The following FAM20C variants were observed in gnomAD, a reference collection of about 807,000 sequenced individuals.
The protein encoded by FAM20C is extracellular serine/threonine protein kinase FAM20C.
In FAM20C, 40 loss-of-function variants were observed where a neutral mutation model predicts 51.5. That is an observed-to-expected ratio of 0.78 (90% CI 0.60 to 1.01). The LOEUF (loss-of-function observed/expected upper bound fraction) is 1.01, where lower values mean the gene tolerates loss of function less well. Among genes scored for constraint, FAM20C ranks in the 50% least tolerant of loss-of-function variants. FAM20C has a pLI of 0.00. For missense variants in FAM20C, 861 were observed against 844.7 expected, an observed-to-expected ratio of 1.02 and a Z score of -0.24; for synonymous variants, 406 against 380.6, an observed-to-expected ratio of 1.07 and a Z score of -0.78.
intron 2 of FAM20C, among the ~76,000 whole-genome samples, chr7:206,562 G>T (rs772393465): frequency 0.092 from 3,149 of 34,050 alleles, 243 homozygotes; most frequent in African/African-American, 0.22. Context: ...GTGACGCGTC[G>T]GTCACTGTCC....
chr7:211,969 G>T (rs1160632594), intron 3 of FAM20C, among the ~76,000 whole-genome samples: 1 of 152,168 alleles, frequency 6.6e-6, no homozygotes, highest in South Asian at 2.1e-4. Flanking sequence ...GCTGGTGCCC[G>T]ACCCTCCTTT....
chr7:244,997 G>A (rs2115141732), intron 3 of FAM20C, among the ~76,000 whole-genome samples: 1 of 152,370 alleles, frequency 6.6e-6, no homozygotes, highest in Non-Finnish European at 1.5e-5. Flanking sequence ...TTGACGGCCT[G>A]TGACCCAGAC....
chr7:203,015 G>C (rs1786203712), intron 2 of FAM20C, among the ~76,000 whole-genome samples: 1 of 152,214 alleles, frequency 6.6e-6, no homozygotes, highest in South Asian at 2.1e-4. Context: ...TCAGGGGAGG[G>C]GCAGGTGTAG....
chr7:210,496 C>A (rs1786659881), intron 3 of FAM20C, among the ~76,000 whole-genome samples: 1 of 152,136 alleles, frequency 6.6e-6, no homozygotes, highest in Non-Finnish European at 1.5e-5. Flanking sequence ...CTTCCGCTGG[C>A]AGTAATGGGA....
At chr7:254,339 G>C (rs1411379006) in intron 5 of FAM20C, among the ~76,000 whole-genome samples, 19 of 152,254 alleles carry the variant, frequency 1.2e-4, no homozygotes, top group Admixed American at 1.2e-3. Context: ...CAGCCTGGCT[G>C]CATAGGAATG....
chr7:201,504 C>T (rs972176676), intron 2 of FAM20C, among the ~76,000 whole-genome samples: 1 of 152,200 alleles, frequency 6.6e-6, no homozygotes, highest in Non-Finnish European at 1.5e-5. Context: ...GACCCCCAGG[C>T]CCGGGCCACA....
chr7:214,281 C>T (rs951388925), intron 3 of FAM20C, among the ~76,000 whole-genome samples: 52 of 152,044 alleles, frequency 3.4e-4, no homozygotes, highest in Admixed American at 7.2e-4. Flanking sequence ...GCCGAGATCA[C>T]GCCACCGCAC....
rs894453951 is a variant in FAM20C, at chr7:207,386, G to A, written c.785-1512G>A. 2.6e-5 allele frequency among the ~76,000 whole-genome samples: 4 copies of A among 151,982 alleles called. 1 individual carries two copies. Among genetic ancestry groups the A allele is most frequent in the Admixed American group, 1.3e-4 (2 of 15,258 alleles). ...CGTCGGTCACTGTCCCCTTGGCCCC[G>A]CACACGTGCTCACTGTCTCCTTCAG... On this transcript the variant is annotated intron_variant, in intron 2 of 9. Transcript: ENST00000313766.
At chr7:247,195 C>T (rs886393401) in intron 4 of FAM20C, among the ~76,000 whole-genome samples, 2 of 152,234 alleles carry the variant, frequency 1.3e-5, no homozygotes, top group South Asian at 4.1e-4. Context: ...GGGGCCGCCC[C>T]AGCCCAGCAG....
intron 3 of FAM20C, among the ~76,000 whole-genome samples, chr7:244,949 A>G (rs1218399749): frequency 6.6e-6 from 1 of 152,222 alleles, no homozygotes; most frequent in Non-Finnish European, 1.5e-5. Context: ...CTTTCTGAGA[A>G]CAGCGTGGGA....
chr7:255,332 A>T (rs983996672), intron 5 of FAM20C, among the ~76,000 whole-genome samples: 1 of 152,120 alleles, frequency 6.6e-6, no homozygotes, highest in African/African-American at 2.4e-5. Context: ...GTGACTCACG[A>T]TGGCGCCCGT....
rs529836614 is a variant in FAM20C, at chr7:212,908, C to T, written c.863+3932C>T. On this transcript the variant is annotated intron_variant, in intron 3 of 9. Coordinates refer to ENST00000313766, the MANE Select transcript of FAM20C (RefSeq NM_020223.4). ...TTCATCACCGCAGTTGATTTTAGCCCGTTTTCCGTGACTCCACAGAGAAAT... is the reference window on the plus strand; with the variant it reads ...TTCATCACCGCAGTTGATTTTAGCCTGTTTTCCGTGACTCCACAGAGAAAT... Among the ~76,000 whole-genome samples the T allele has an allele frequency of 2.0e-5, 3 of 152,294 alleles. No homozygotes were observed. In the East Asian group the frequency reaches 5.8e-4, roughly 29 times the overall value.
At chr7:228,795 C>A (rs1017926023) in intron 3 of FAM20C, 51 of 456,084 alleles carry the variant, frequency 1.1e-4, no homozygotes, top group African/African-American at 7.6e-4. Context: ...CTCCTGCTGA[C>A]GGCATGAGTG....
chr7:236,049 G>A (rs1787838072), intron 3 of FAM20C, among the ~76,000 whole-genome samples: 1 of 152,168 alleles, frequency 6.6e-6, no homozygotes, highest in East Asian at 1.9e-4. Context: ...TTCTGTCAGG[G>A]CGCCCAGGAA....
At position 260,750 on chromosome 7, in the gene FAM20C, G is replaced by A. The variant is rs566672039; in HGVS notation, c.*770G>A. The A allele has an allele frequency of 7.9e-5, 12 of 152,368 alleles. No individual in the cohort carries two copies. The highest frequency in any genetic ancestry group is 3.4e-3 in the Middle Eastern group (1 of 294). The allele number at this position is 152,368 out of a possible 1,614,324, so 9.4% of individuals were successfully genotyped here. On this transcript the variant is annotated 3_prime_UTR_variant, in exon 10 of 10. Transcript: ENST00000313766. ...AATAAAGGTACAGCAGATGTGTGTC[G>A]GCCTCACGGGGCGGGTCCCTCACAC...
At chr7:204,410 C>G (rs1318878544) in intron 2 of FAM20C, among the ~76,000 whole-genome samples, 1 of 152,246 alleles carries the variant, frequency 6.6e-6, no homozygotes, top group Non-Finnish European at 1.5e-5. Context: ...GCGCAGTGGT[C>G]CAGGGCACTG....
chr7:211,012 C>T (rs369777155), intron 3 of FAM20C, among the ~76,000 whole-genome samples: 4 of 152,020 alleles, frequency 2.6e-5, no homozygotes, highest in South Asian at 2.1e-4. Context: ...TGCGTAAAGA[C>T]GAGAGAACTG....
Position 258,432 on chromosome 7 carries a change from G to C in FAM20C, c.1446-214G>C, listed in dbSNP as rs796828775. On this transcript the variant is annotated intron_variant, in intron 8 of 9. Transcript: ENST00000313766. ...GATGGGTGGGGTGGACCCACTGCCT[G>C]GGGTGCTGGAGATGGGTGGGATGGA... is the stretch of plus-strand genomic sequence containing the variant. 0.013 allele frequency among the ~76,000 whole-genome samples: 808 copies of C among 62,702 alleles called. 146 individuals are homozygous for C. Among genetic ancestry groups the C allele is most frequent in the Middle Eastern group, 0.018 (2 of 110 alleles). The allele number at this position is 62,702 out of a possible 152,430, so 41.1% of individuals were successfully genotyped here.
At chr7:204,757 G>A (rs955231666) in intron 2 of FAM20C, among the ~76,000 whole-genome samples, 1 of 152,130 alleles carries the variant, frequency 6.6e-6, no homozygotes, top group Non-Finnish European at 1.5e-5. Context: ...TCCCCACATT[G>A]CCACTGTTCT....
Sources: allele counts gnomAD v4.1 joint callset (sites outside exome capture counted in the v4.1 genomes callset), GRCh38; gene constraint gnomAD v4.1.1; transcripts MANE v1.5; gene names NCBI Gene and HGNC (gene_info 2026-07-23, HGNC 2026-07-21).